CACNA1E: variants seen among roughly 807,000 people sequenced by gnomAD.
CACNA1E encodes the protein voltage-dependent R-type calcium channel subunit alpha-1E.
In CACNA1E, 40 loss-of-function variants were observed where a neutral mutation model predicts 259.2. The observed-to-expected ratio is 0.15, with a 90% CI of 0.12 to 0.20. CACNA1E has a LOEUF of 0.20. Ranked by LOEUF, CACNA1E falls within the 10% of genes least tolerant of loss-of-function variation. The probability of loss-of-function intolerance (pLI) is 1.00; values close to 1 mark genes in which losing one functional copy is unlikely to be tolerated. For missense variants in CACNA1E, 1,874 were observed against 3,040.1 expected, an observed-to-expected ratio of 0.62 and a Z score of 9.02; for synonymous variants, 1,104 against 1,138.5, an observed-to-expected ratio of 0.97 and a Z score of 0.61.
At chr1:181,535,629 T>G (rs1668108624) in intron 3 of CACNA1E, among the ~76,000 whole-genome samples, 1 of 151,980 alleles carries the variant, frequency 6.6e-6, no homozygotes, top group African/African-American at 2.4e-5. Flanking sequence ...TTTTAACCAC[T>G]CGATTGTTGT....
chr1:181,538,060 G>T (rs1374806777), intron 3 of CACNA1E, among the ~76,000 whole-genome samples: 2 of 152,166 alleles, frequency 1.3e-5, no homozygotes, highest in Non-Finnish European at 2.9e-5. Flanking sequence ...GTTGGACAGG[G>T]TGCCCTGTTC....
At chr1:181,341,623 C>T (rs1040407397) in intron 1 of CACNA1E, among the ~76,000 whole-genome samples, 1 of 152,172 alleles carries the variant, frequency 6.6e-6, no homozygotes, top group African/African-American at 2.4e-5. Context: ...ACCAGCCCTG[C>T]ATGGGCCCAA....
In CACNA1E at chr1:181,386,682, G is replaced by A. The variant is rs190986027; in HGVS notation, c.-14-26451G>A. Among the ~76,000 whole-genome samples the A allele has an allele frequency of 1.8e-3, 277 of 152,272 alleles. 1 individual carries two copies. Among genetic ancestry groups the A allele is most frequent in the East Asian group, 7.7e-4 (4 of 5,184 alleles). ...ATTGTATTTTATTGAAATGTAAATA[G>A]CTCCACGTGGCTAGTAGCTAGCATA... On this transcript the variant is annotated intron_variant, in intron 1 of 11. Coordinates refer to the CACNA1E transcript ENST00000524607.
intron 1 of CACNA1E, among the ~76,000 whole-genome samples, chr1:181,322,823 G>A (rs1650465071): frequency 6.6e-6 from 1 of 152,176 alleles, no homozygotes; most frequent in African/African-American, 2.4e-5. Context: ...TGGGCTTGGG[G>A]TGAAGAGAGA....
intron 7 of CACNA1E, among the ~76,000 whole-genome samples, chr1:181,667,620 A>G (rs1209893465): frequency 6.6e-6 from 1 of 152,172 alleles, no homozygotes; most frequent in Non-Finnish European, 1.5e-5. Flanking sequence ...GGAGGTAGAG[A>G]AGAAAAAACA....
At chr1:181,592,351 A>G (rs1335607386) in intron 6 of CACNA1E, among the ~76,000 whole-genome samples, 1 of 151,944 alleles carries the variant, frequency 6.6e-6, no homozygotes. Flanking sequence ...CAAAGATGCC[A>G]TGGCTTCCAG....
In CACNA1E at chr1:181,765,786, T is replaced by A. The variant is rs141303040; in HGVS notation, c.4816-760T>A. On this transcript the variant is annotated intron_variant, in intron 34 of 47. Coordinates refer to ENST00000367573, the MANE Select transcript of CACNA1E (RefSeq NM_001205293.3). ...TACAGTGTCCCACTCTGGCCCCAAATCCAAACTGTCCTATGTCTGCATCCT... is the reference window on the plus strand; with the variant it reads ...TACAGTGTCCCACTCTGGCCCCAAAACCAAACTGTCCTATGTCTGCATCCT... 9.2e-5 allele frequency among the ~76,000 whole-genome samples: 14 copies of A among 152,220 alleles called. 1 individual carries two copies. In the East Asian group the frequency reaches 2.7e-3, roughly 29 times the overall value.
At chr1:181,438,643 T>C (rs1660245630) in intron 2 of CACNA1E, among the ~76,000 whole-genome samples, 1 of 152,240 alleles carries the variant, frequency 6.6e-6, no homozygotes, top group African/African-American at 2.4e-5. Context: ...GAAATTTATT[T>C]ATACCCATGA....
At chr1:181,650,133 CAA>C (rs1658627215) in intron 6 of CACNA1E, among the ~76,000 whole-genome samples, 1 of 152,034 alleles carries the variant, frequency 6.6e-6, no homozygotes, top group Non-Finnish European at 1.5e-5. Flanking sequence ...TGGAAGAAAA[CAA>C]GAGAATGTCA....
chr1:181,426,950 C>A (rs1659315537), intron 2 of CACNA1E, among the ~76,000 whole-genome samples: 1 of 151,432 alleles, frequency 6.6e-6, no homozygotes, highest in African/African-American at 2.4e-5. Context: ...CCATCTCAAC[C>A]CCTTCACAAC....
intron 1 of CACNA1E, among the ~76,000 whole-genome samples, chr1:181,330,089 G>A (rs895386885): frequency 1.3e-5 from 2 of 152,116 alleles, no homozygotes; most frequent in African/African-American, 4.8e-5. Flanking sequence ...ATTCCTTGCT[G>A]CCTTACCAGC....
chr1:181,780,348 C>T (rs933937197), intron 38 of CACNA1E, among the ~76,000 whole-genome samples: 2 of 152,148 alleles, frequency 1.3e-5, no homozygotes, highest in African/African-American at 2.4e-5. Context: ...CCTCCCTGCT[C>T]AAATCTGCCA....
intron 1 of CACNA1E, among the ~76,000 whole-genome samples, chr1:181,341,523 G>T (rs1248934683): frequency 6.6e-6 from 1 of 152,174 alleles, no homozygotes; most frequent in African/African-American, 2.4e-5. Context: ...TCTGAAGAGG[G>T]TTCAGTGTTC....
At chr1:181,431,241 G>A (rs1659694585) in intron 2 of CACNA1E, among the ~76,000 whole-genome samples, 2 of 152,202 alleles carry the variant, frequency 1.3e-5, no homozygotes, top group African/African-American at 4.8e-5. Context: ...TGCGGAGTGA[G>A]TTTTGATGTG....
intron 6 of CACNA1E, among the ~76,000 whole-genome samples, chr1:181,643,854 T>C (rs1278736308): frequency 6.6e-6 from 1 of 152,192 alleles, no homozygotes; most frequent in Non-Finnish European, 1.5e-5. Flanking sequence ...CCAGAATGTG[T>C]GGGAAGCCTT....
chr1:181,718,611 AACACAC>A (rs60522141), intron 12 of CACNA1E, among the ~76,000 whole-genome samples: 18,153 of 124,156 alleles, frequency 0.15, 1,004 homozygotes, highest in East Asian at 0.22. Flanking sequence ...CCCTCATTCA[AACACAC>A]ACACACACAC....
chr1:181,796,621 TCAGAGTGGA>T, intron 46 of CACNA1E, 38 bp from the exon 47 acceptor site: 1 of 1,392,946 alleles, frequency 7.2e-7, no homozygotes, highest in South Asian at 1.4e-5. Flanking sequence ...TCATCATTGG[TCAGAGTGGA>T]CAGAGTTATA....
chr1:181,546,607 G>A (rs1478891827), intron 3 of CACNA1E, among the ~76,000 whole-genome samples: 1 of 152,172 alleles, frequency 6.6e-6, no homozygotes, highest in Non-Finnish European at 1.5e-5. Flanking sequence ...GTGGAAGGGG[G>A]CTCTTAGTAG....
intron 2 of CACNA1E, among the ~76,000 whole-genome samples, chr1:181,461,540 CAAAAAA>C (rs10607931): frequency 1.2e-5 from 1 of 82,042 alleles, no homozygotes; most frequent in African/African-American, 4.5e-5. Context: ...GACTCCATCT[CAAAAAA>C]AAAAAAAAAA....
Sources: gnomAD v4.1 joint callset for allele counts (sites outside exome capture counted in the v4.1 genomes callset) on GRCh38, gnomAD v4.1.1 for gene constraint, MANE v1.5 for transcripts, NCBI Gene and HGNC (gene_info 2026-07-23, HGNC 2026-07-21) for gene names.